Variants in MAML3 observed in about 807,000 individuals in gnomAD.
The protein encoded by MAML3 is mastermind like transcriptional coactivator 3.
A neutral mutation model predicts 101.9 loss-of-function variants in MAML3; 27 were observed. That is an observed-to-expected ratio of 0.27 (90% CI 0.20 to 0.37). The LOEUF (loss-of-function observed/expected upper bound fraction) is 0.37. Ranked by LOEUF, MAML3 falls within the 10% of genes least tolerant of loss-of-function variation. The pLI is 1.00. For missense variants in MAML3, 1,316 were observed against 1,444.9 expected (o/e 0.91, Z 1.45); for synonymous variants, 501 against 555.9 (o/e 0.90, Z 1.39).
chr4:140,010,349 A>G (rs750288368), intron 1 of MAML3, among the ~76,000 whole-genome samples: 3 of 152,188 alleles, frequency 2.0e-5, no homozygotes, highest in Non-Finnish European at 2.9e-5. Flanking sequence ...AAGCACACCT[A>G]TACACACACA....
chr4:139,749,551 G>C (rs1729431807), intron 2 of MAML3, among the ~76,000 whole-genome samples: 1 of 152,198 alleles, frequency 6.6e-6, no homozygotes, highest in Non-Finnish European at 1.5e-5. Context: ...TAACTGTCAA[G>C]GGGGTGGGGG....
At chr4:139,834,477 C>A (rs899249297) in intron 2 of MAML3, among the ~76,000 whole-genome samples, 1 of 152,208 alleles carries the variant, frequency 6.6e-6, no homozygotes, top group Non-Finnish European at 1.5e-5. Flanking sequence ...GGCCGGCCAG[C>A]GCCCTCTGTA....
At chr4:139,995,924 A>C (rs1734799858) in intron 1 of MAML3, among the ~76,000 whole-genome samples, 2 of 152,092 alleles carry the variant, frequency 1.3e-5, no homozygotes, top group African/African-American at 4.8e-5. Context: ...ATAGGCAATA[A>C]AAGCTATAAA....
chr4:139,889,044 T>G, intron 2 of MAML3: 1 of 465,790 alleles, frequency 2.1e-6, no homozygotes, highest in East Asian at 5.5e-5. Flanking sequence ...AGTGCCGTGT[T>G]TGGTGGAGTG....
At chr4:139,959,531 C>CA (rs1379206509) in intron 1 of MAML3, among the ~76,000 whole-genome samples, 1 of 152,182 alleles carries the variant, frequency 6.6e-6, no homozygotes, top group Non-Finnish European at 1.5e-5. Context: ...AATTAAAAAA[C>CA]AAACAAACAA....
At chr4:139,985,803 C>A (rs1734528253) in intron 1 of MAML3, among the ~76,000 whole-genome samples, 1 of 152,172 alleles carries the variant, frequency 6.6e-6, no homozygotes, top group African/African-American at 2.4e-5. Flanking sequence ...GCTACAGACA[C>A]CAGGGAGAGT....
In MAML3 at chr4:139,907,165, A is replaced by G. The variant is rs544511554; in HGVS notation, c.469-16198T>C. Among the ~76,000 whole-genome samples, 57 of 152,356 alleles carry G rather than the reference A, an allele frequency of 3.7e-4. No individual in the cohort carries two copies. The Middle Eastern group carries it at 0.01, about 27-fold the overall frequency. On this transcript the variant is annotated intron_variant, in intron 1 of 4. Coordinates refer to ENST00000509479, the MANE Select transcript of MAML3 (RefSeq NM_018717.5). Reference sequence around the variant, plus strand: ...AGAAAATGTCAGGAACTTGAAAAGCAAAAATATGCATGTGGTGTTTTCCAG... The same window carrying G: ...AGAAAATGTCAGGAACTTGAAAAGCGAAAATATGCATGTGGTGTTTTCCAG...
At chr4:139,795,365 T>G (rs991173918) in intron 2 of MAML3, among the ~76,000 whole-genome samples, 13 of 151,802 alleles carry the variant, frequency 8.6e-5, no homozygotes, top group Admixed American at 7.2e-4. Flanking sequence ...AAATTTGAAT[T>G]CAATTGAGTG....
Position 140,114,857 on chromosome 4 carries a change from T to G in MAML3, c.468+38003A>C, listed in dbSNP as rs1309431150. Among the ~76,000 whole-genome samples the G allele has an allele frequency of 2.6e-5, 4 of 152,216 alleles. No individual in the cohort carries two copies. In the East Asian group the frequency reaches 7.7e-4, roughly 29 times the overall value. The stretch of plus-strand genomic sequence containing the variant: ...CAACAATATAGCCATAATACCATTA[T>G]CACATCTAAAACATATTTAATAATA... On this transcript the variant is annotated intron_variant, in intron 1 of 4. Transcript: ENST00000509479.
chr4:140,069,372 AAGAAGAAGAAGAAGG>A (rs1195176077), intron 1 of MAML3, among the ~76,000 whole-genome samples: 4 of 129,974 alleles, frequency 3.1e-5, no homozygotes, highest in African/African-American at 1.2e-4. Context: ...GAAGAAGAAG[AAGAAGAAGAAGAAGG>A]AGGAGGAGGA....
intron 1 of MAML3, among the ~76,000 whole-genome samples, chr4:139,918,038 A>G (rs1733058298): frequency 6.6e-6 from 1 of 152,022 alleles, no homozygotes; most frequent in South Asian, 2.1e-4. Flanking sequence ...CTATGTTCGG[A>G]CGCTGTGTCT....
intron 1 of MAML3, among the ~76,000 whole-genome samples, chr4:140,151,141 C>A (rs1484300107): frequency 6.6e-6 from 1 of 152,036 alleles, no homozygotes; most frequent in Non-Finnish European, 1.5e-5. Flanking sequence ...CCGCTCCCTC[C>A]CCCACGGCCA....
At chr4:139,892,151 A>G (rs1467639489) in intron 1 of MAML3, among the ~76,000 whole-genome samples, 1 of 152,196 alleles carries the variant, frequency 6.6e-6, no homozygotes, top group African/African-American at 2.4e-5. Context: ...TAGAGAAGAT[A>G]GTTGAAGCAG....
chr4:139,931,785 G>A (rs1346687866), intron 1 of MAML3, among the ~76,000 whole-genome samples: 14 of 152,098 alleles, frequency 9.2e-5, no homozygotes, highest in African/African-American at 2.7e-4. Context: ...CCAGACGGGC[G>A]GGTCACCTGA....
chr4:139,888,518 G>A, intron 2 of MAML3: 20 of 518,650 alleles, frequency 3.9e-5, no homozygotes, highest in South Asian at 2.8e-4. Flanking sequence ...TTATATTAAA[G>A]GAGCTTTGGC....
chr4:139,813,033 AT>A (rs1388195534), intron 2 of MAML3, among the ~76,000 whole-genome samples: 1 of 151,470 alleles, frequency 6.6e-6, no homozygotes, highest in African/African-American at 2.4e-5. Context: ...AAAAATAAAC[AT>A]TTAGAAAATT....
chr4:140,062,519 A>C (rs1727464313), intron 1 of MAML3, among the ~76,000 whole-genome samples: 1 of 152,210 alleles, frequency 6.6e-6, no homozygotes, highest in Non-Finnish European at 1.5e-5. Flanking sequence ...AAATGACTCT[A>C]AATTGCTGCG....
chr4:140,037,690 A>G (rs146133157), intron 1 of MAML3, among the ~76,000 whole-genome samples: 2 of 152,354 alleles, frequency 1.3e-5, no homozygotes, highest in Admixed American at 6.5e-5. Context: ...CCATATTTAC[A>G]TAATCAGAAA....
rs562590250 is a variant in MAML3 at position 139,786,939 on chromosome 4, C to T, written c.2080-56272G>A. On this transcript the variant is annotated intron_variant, in intron 2 of 4. Coordinates refer to ENST00000509479, the MANE Select transcript of MAML3 (RefSeq NM_018717.5). ...CACCCGGGGACATCCCTTGTCAGAG[C>T]CTACACCAGACTGTGCCTCAGAGAC... Among the ~76,000 whole-genome samples the T allele has an allele frequency of 7.2e-5, 11 of 152,306 alleles. No individual in the cohort carries two copies. In the East Asian group the frequency reaches 2.1e-3, roughly 29 times the overall value.
Sources: allele counts gnomAD v4.1 joint callset (sites outside exome capture counted in the v4.1 genomes callset), GRCh38; gene constraint gnomAD v4.1.1; transcripts MANE v1.5; gene names NCBI Gene and HGNC (gene_info 2026-07-23, HGNC 2026-07-21).